CYP2J2: variants seen among roughly 807,000 people sequenced by gnomAD.
CYP2J2 encodes the protein cytochrome P450 family 2 subfamily J member 2.
CYP2J2 carries 41 observed loss-of-function variants against 48.8 expected under a neutral mutation model. The observed-to-expected ratio is 0.84, with a 90% CI of 0.66 to 1.09. CYP2J2 has a LOEUF of 1.09. Among genes scored for constraint, CYP2J2 ranks in the 50% least tolerant of loss-of-function variants. The pLI is 0.00. For synonymous variants in CYP2J2, 221 were observed against 227.1 expected, an observed-to-expected ratio of 0.97 and a Z score of 0.24; for missense variants, 644 against 617.3, an observed-to-expected ratio of 1.04 and a Z score of -0.46.
In CYP2J2 at chr1:59,912,331, C is replaced by T; in HGVS notation, c.374-20G>A. 6.2e-7 allele frequency: 1 copy of T among 1,607,380 alleles called. No individual in the cohort carries two copies. Among genetic ancestry groups the T allele is most frequent in the Non-Finnish European group, 8.5e-7 (1 of 1,176,762 alleles). On this transcript the variant is annotated intron_variant, in intron 2 of 8. Coordinates refer to ENST00000371204, the MANE Select transcript of CYP2J2 (RefSeq NM_000775.4). ...TCAATCCTGGGAAAAAGAAAGTCAA[C>T]ATTACAGTATTCTGATTCCATAATA...
chr1:59,951,580 T>G, the CYP2J2 span, among the ~76,000 whole-genome samples: 1 of 152,186 alleles, frequency 6.6e-6, no homozygotes, highest in South Asian at 2.1e-4. Context: ...TTGGATCATA[T>G]AGTGTAAGAC....
At chr1:59,950,102 C>T in the CYP2J2 span, among the ~76,000 whole-genome samples, 9 of 152,098 alleles carry the variant, frequency 5.9e-5, no homozygotes, top group South Asian at 2.1e-4. Flanking sequence ...ATTGTCAACT[C>T]GGTATTATTA....
intron 1 of CYP2J2, among the ~76,000 whole-genome samples, chr1:59,918,220 G>A (rs1644483517): frequency 6.6e-6 from 1 of 152,104 alleles, no homozygotes; most frequent in Non-Finnish European, 1.5e-5. Context: ...ATTCCTGGAT[G>A]AACTTCTTAG....
intron 2 of CYP2J2, among the ~76,000 whole-genome samples, chr1:59,915,072 G>C (rs1644452869): frequency 6.6e-6 from 1 of 152,174 alleles, no homozygotes; most frequent in Non-Finnish European, 1.5e-5. Flanking sequence ...ACCTTCCCTT[G>C]AACTTATTTG....
chr1:59,944,924 G>A, the CYP2J2 span, among the ~76,000 whole-genome samples: 1 of 151,334 alleles, frequency 6.6e-6, no homozygotes, highest in Non-Finnish European at 1.5e-5. Context: ...TACTTTTCTT[G>A]TTGGCTTGTA....
chr1:59,926,414 C>G (rs1212001517), intron 1 of CYP2J2, 123 bp downstream of exon 1: 1 of 781,470 alleles, frequency 1.3e-6, no homozygotes, highest in Admixed American at 2.2e-5. Context: ...TACCAGGTTA[C>G]CAGCGTTAGC....
At chr1:59,911,935 C>T (rs115685955) in intron 3 of CYP2J2, among the ~76,000 whole-genome samples, 167 bp from the exon 4 acceptor site, 1 of 152,306 alleles carries the variant, frequency 6.6e-6, no homozygotes, top group African/African-American at 2.4e-5. Flanking sequence ...ATTCAGTCAA[C>T]TCCAGGGAAG....
At chr1:59,943,543 A>G in the CYP2J2 span, among the ~76,000 whole-genome samples, 1 of 152,304 alleles carries the variant, frequency 6.6e-6, no homozygotes, top group African/African-American at 2.4e-5. Flanking sequence ...CCAGGAAAGT[A>G]TGGTCTGTAG....
At chr1:59,946,624 G>C in the CYP2J2 span, among the ~76,000 whole-genome samples, 1 of 152,032 alleles carries the variant, frequency 6.6e-6, no homozygotes. Flanking sequence ...TGAGTCAAGA[G>C]ACACAAAATG....
Position 59,911,659 on chromosome 1 carries a change from C to A in CYP2J2, c.633G>T (p.Leu211=), listed in dbSNP as rs1428272780. The change falls in exon 4 of 9, where the codon CTG becomes CTT. Residue 211 remains leucine, a synonymous_variant. Transcript: ENST00000371204. ...ATGTGACTTCATCTAGTAACTTCAG[C>A]AGCTGCTGAAACCAACTATCCTGGT... ...FEYQDSWFQQ[L]LKLLDEVTYL... 8.7e-6 allele frequency: 14 copies of A among 1,613,462 alleles called. No homozygotes were observed. The highest frequency in any genetic ancestry group is 1.2e-5 in the Non-Finnish European group (14 of 1,179,562).
chr1:59,943,475 G>A, the CYP2J2 span, among the ~76,000 whole-genome samples: 1 of 152,146 alleles, frequency 6.6e-6, no homozygotes, highest in East Asian at 1.9e-4. Flanking sequence ...TATGTTGTTG[G>A]GGCAATGCAG....
chr1:59,922,983 C>T (rs1248720447), intron 1 of CYP2J2, among the ~76,000 whole-genome samples: 2 of 152,212 alleles, frequency 1.3e-5, no homozygotes, highest in African/African-American at 4.8e-5. Flanking sequence ...TGAATTGCGA[C>T]TTCTATTCCT....
chr1:59,957,004 G>A, the CYP2J2 span, among the ~76,000 whole-genome samples: 4 of 152,264 alleles, frequency 2.6e-5, no homozygotes, highest in South Asian at 2.1e-4. Flanking sequence ...CATGGAGGGC[G>A]ATGCTGGCCT....
At chr1:59,914,003 G>T (rs1054453817) in intron 2 of CYP2J2, among the ~76,000 whole-genome samples, 1 of 152,082 alleles carries the variant, frequency 6.6e-6, no homozygotes, top group Non-Finnish European at 1.5e-5. Context: ...ATTTCTTCAA[G>T]TTCCCTGTCC....
the CYP2J2 span, among the ~76,000 whole-genome samples, chr1:59,934,390 CA>C: frequency 6.6e-6 from 1 of 152,022 alleles, no homozygotes; most frequent in Non-Finnish European, 1.5e-5. Context: ...GTGAGAATAT[CA>C]AACTAAAGCT....
At chr1:59,956,999 A>C in the CYP2J2 span, among the ~76,000 whole-genome samples, 1 of 152,174 alleles carries the variant, frequency 6.6e-6, no homozygotes, top group Non-Finnish European at 1.5e-5. Context: ...GACTGCATGG[A>C]GGGCGATGCT....
chr1:59,916,225 G>A (rs3820538), intron 1 of CYP2J2, 125 bp from the exon 2 acceptor site: 81,676 of 406,100 alleles, frequency 0.2, 4,002 homozygotes, highest in Admixed American at 0.24. Flanking sequence ...GTGTGTGTAC[G>A]TGTGTGTGTG....
the CYP2J2 span, among the ~76,000 whole-genome samples, chr1:59,960,704 A>G: frequency 6.6e-6 from 1 of 152,140 alleles, no homozygotes; most frequent in Non-Finnish European, 1.5e-5. Context: ...TTAGCTGGGC[A>G]TGGTGGCAGA....
the CYP2J2 span, among the ~76,000 whole-genome samples, chr1:59,939,685 G>C: frequency 1.3e-5 from 2 of 152,168 alleles, no homozygotes; most frequent in Non-Finnish European, 2.9e-5. Context: ...CTAAGCCTGG[G>C]GCAGGTCCAG....
Sources: gnomAD v4.1 joint callset for allele counts (sites outside exome capture counted in the v4.1 genomes callset) on GRCh38, gnomAD v4.1.1 for gene constraint, MANE v1.5 for transcripts, NCBI Gene and HGNC (gene_info 2026-07-23, HGNC 2026-07-21) for gene names.